The following QTMAN variants were observed in gnomAD, a reference collection of about 807,000 sequenced individuals.
QTMAN encodes tRNA-queuosine alpha-mannosyltransferase.
At chr2:144,247,626 G>T in the QTMAN span, among the ~76,000 whole-genome samples, 2 of 152,162 alleles carry the variant, frequency 1.3e-5, no homozygotes, top group Admixed American at 6.5e-5. Context: ...GATATATAAT[G>T]ACTAGAGGAA....
At chr2:144,232,263 A>G in the QTMAN span, among the ~76,000 whole-genome samples, 13 of 152,332 alleles carry the variant, frequency 8.5e-5, no homozygotes, top group South Asian at 6.2e-4. Flanking sequence ...ATGAGAGAAA[A>G]TAACAGGTGA....
At chr2:143,969,018 C>T in the QTMAN span, among the ~76,000 whole-genome samples, 1 of 152,188 alleles carries the variant, frequency 6.6e-6, no homozygotes, top group Non-Finnish European at 1.5e-5. Context: ...GGTTATCAAG[C>T]TCCTCCATAT....
the QTMAN span, among the ~76,000 whole-genome samples, chr2:144,282,565 T>A: frequency 1.3e-5 from 2 of 152,016 alleles, no homozygotes. Flanking sequence ...GGCATCAGCA[T>A]CACAGAGATC....
chr2:144,301,342 C>T, the QTMAN span, among the ~76,000 whole-genome samples: 1 of 152,150 alleles, frequency 6.6e-6, no homozygotes, highest in South Asian at 2.1e-4. Flanking sequence ...CCTGCCTCAG[C>T]CTCTTGAGTA....
chr2:144,316,687 A>G, the QTMAN span, among the ~76,000 whole-genome samples: 4 of 152,190 alleles, frequency 2.6e-5, no homozygotes, highest in Non-Finnish European at 4.4e-5. Flanking sequence ...CAAATATGTC[A>G]CTGCTTCTCA....
the QTMAN span, among the ~76,000 whole-genome samples, chr2:144,010,029 C>T: frequency 9.4e-6 from 1 of 106,312 alleles, no homozygotes; most frequent in Admixed American, 1.1e-4. Context: ...AGGATTTTAA[C>T]AGAATCACAA....
the QTMAN span, among the ~76,000 whole-genome samples, chr2:144,148,482 C>T: frequency 6.6e-6 from 1 of 151,686 alleles, no homozygotes; most frequent in African/African-American, 2.4e-5. Flanking sequence ...TAAAACTATA[C>T]ATTTGAAGTA....
chr2:144,320,793 T>C, the QTMAN span, among the ~76,000 whole-genome samples: 2 of 152,216 alleles, frequency 1.3e-5, no homozygotes, highest in Non-Finnish European at 2.9e-5. Flanking sequence ...CTAACAGCCA[T>C]CCTGCATGGT....
chr2:144,071,060 C>T, the QTMAN span, among the ~76,000 whole-genome samples: 7 of 152,166 alleles, frequency 4.6e-5, no homozygotes, highest in South Asian at 1.5e-3. Flanking sequence ...AAGTGCTTAG[C>T]TTAAAGCTAT....
the QTMAN span, among the ~76,000 whole-genome samples, chr2:144,069,815 C>G: frequency 6.6e-6 from 1 of 152,020 alleles, no homozygotes; most frequent in Non-Finnish European, 1.5e-5. Context: ...ACACATTTCT[C>G]ATTGGACACT....
the QTMAN span, among the ~76,000 whole-genome samples, chr2:144,014,640 T>C: frequency 2.0e-5 from 3 of 152,162 alleles, no homozygotes; most frequent in African/African-American, 7.2e-5. Flanking sequence ...GATATGACAC[T>C]CAGCAAAGAC....
the QTMAN span, chr2:143,952,035 T>C: frequency 1.9e-6 from 3 of 1,605,780 alleles, no homozygotes; most frequent in Middle Eastern, 1.7e-4. Context: ...TTCTGGAGCC[T>C]TTTTGAAAGC....
chr2:143,978,819 G>C, the QTMAN span, among the ~76,000 whole-genome samples: 285 of 152,232 alleles, frequency 1.9e-3, no homozygotes, highest in Middle Eastern at 6.8e-3. Context: ...GGTAATTGGG[G>C]CTGTAAATTC....
At chr2:144,058,694 C>A in the QTMAN span, among the ~76,000 whole-genome samples, 3 of 152,174 alleles carry the variant, frequency 2.0e-5, no homozygotes, top group East Asian at 5.8e-4. Context: ...CAGGGACGCT[C>A]CAAACTCCTA....
the QTMAN span, among the ~76,000 whole-genome samples, chr2:144,051,692 G>A: frequency 3.7e-3 from 566 of 152,280 alleles, 2 homozygotes; most frequent in African/African-American, 0.012. Flanking sequence ...AGTAAGAGTC[G>A]AATTGAGAGA....
At chr2:143,949,113 CGT>C in the QTMAN span, among the ~76,000 whole-genome samples, 12 of 149,836 alleles carry the variant, frequency 8.0e-5, no homozygotes, top group East Asian at 1.9e-4. Flanking sequence ...GCCAAGTGTA[CGT>C]GTGTGTGTGT....
At chr2:144,291,614 G>A in the QTMAN span, among the ~76,000 whole-genome samples, 1 of 152,152 alleles carries the variant, frequency 6.6e-6, no homozygotes, top group Non-Finnish European at 1.5e-5. Context: ...TCCCTGGCAA[G>A]CCCCAGTCTC....
the QTMAN span, among the ~76,000 whole-genome samples, chr2:143,994,147 A>G: frequency 1.3e-5 from 2 of 152,194 alleles, no homozygotes; most frequent in Non-Finnish European, 2.9e-5. Context: ...AGGTTTATGG[A>G]TAACAAGGAG....
chr2:144,028,935 T>C, the QTMAN span, among the ~76,000 whole-genome samples: 1 of 152,104 alleles, frequency 6.6e-6, no homozygotes, highest in Non-Finnish European at 1.5e-5. Flanking sequence ...GGGAGGGGAT[T>C]TGTAGGGTGT....
Sources: allele counts gnomAD v4.1 joint callset (sites outside exome capture counted in the v4.1 genomes callset), GRCh38; gene constraint gnomAD v4.1.1; transcripts MANE v1.5; gene names NCBI Gene and HGNC (gene_info 2026-07-23, HGNC 2026-07-21).